The following LAMB3 variants were observed in gnomAD, a reference collection of about 807,000 sequenced individuals.
LAMB3 encodes the protein laminin subunit beta 3.
LAMB3 carries 104 observed loss-of-function variants against 140.3 expected under a neutral mutation model. The observed-to-expected ratio is 0.74, with a 90% confidence interval of 0.63 to 0.87. LAMB3 has a LOEUF of 0.87. Among genes scored for constraint, LAMB3 ranks in the 40% least tolerant of loss-of-function variants. LAMB3 has a pLI of 0.00. For missense variants in LAMB3, 1,531 were observed against 1,575.2 expected (o/e 0.97, Z 0.47); for synonymous variants, 592 against 602.9 (o/e 0.98, Z 0.26).
At chr1:209,618,760 G>T (rs1448825086) in intron 18 of LAMB3, 101 bp from the exon 19 acceptor site, 5 of 1,139,024 alleles carry the variant, frequency 4.4e-6, no homozygotes, top group Non-Finnish European at 6.4e-6. Flanking sequence ...ACCCACAGTG[G>T]CCCCTCTACC....
At chr1:209,642,775 C>G (rs2076481345) in intron 3 of LAMB3, among the ~76,000 whole-genome samples, 1 of 152,140 alleles carries the variant, frequency 6.6e-6, no homozygotes, top group Non-Finnish European at 1.5e-5. Flanking sequence ...CACTTGCACC[C>G]AGCTTGTTTA....
At chr1:209,633,858 G>A (rs79097405) in intron 6 of LAMB3, among the ~76,000 whole-genome samples, 3,078 of 152,238 alleles carry the variant, frequency 0.02, 94 homozygotes, top group African/African-American at 0.07. Flanking sequence ...ATGGGGAAAC[G>A]CAGTTATGAA....
At position 209,630,644 on chromosome 1, in the gene LAMB3, G is replaced by A. The variant is rs756331697; in HGVS notation, c.914C>T (p.Ala305Val). 34 of 1,613,988 alleles carry A rather than the reference G, an allele frequency of 2.1e-5. No individual in the cohort carries two copies. The highest frequency in any genetic ancestry group is 1.8e-4 in the Admixed American group (11 of 60,006). ...GCATTCATGGGCGTCCTGGCCCTCC[G>A]CCGGTCTCCAGGGCCGGTTGTTGTA... ...PFYNNRPWRP[A>V]EGQDAHECQR... The change falls in exon 9 of 23, where the codon GCG becomes GTG. Residue 305 changes from alanine to valine, a missense_variant. Physicochemically the swap from Ala to Val is moderately conservative, Grantham distance 64. Transcript: ENST00000356082.
intron 19 of LAMB3, 135 bp from the exon 20 acceptor site, chr1:209,618,183 G>C: frequency 8.6e-7 from 1 of 1,168,468 alleles, no homozygotes; most frequent in Non-Finnish European, 1.2e-6. Context: ...TATTAACTCA[G>C]TAGCTTTGAT....
intron 18 of LAMB3, among the ~76,000 whole-genome samples, chr1:209,621,466 T>C (rs1666190597): frequency 6.6e-6 from 1 of 152,192 alleles, no homozygotes; most frequent in Non-Finnish European, 1.5e-5. Context: ...AACACTGTAA[T>C]AGTAGCAAGA....
Position 209,652,396 on chromosome 1 carries a change from C to T in LAMB3, c.-65G>A, listed in dbSNP as rs575967730. 6.6e-6 allele frequency: 1 copy of T among 152,422 alleles called. No individual in the cohort carries two copies. The highest frequency in any genetic ancestry group is 2.1e-4 in the South Asian group (1 of 4,828). 9.4% of individuals were successfully genotyped at this position (152,422 alleles called of 1,614,324 possible). A position where few individuals can be genotyped will look rare whatever the true frequency, so the allele number is the denominator to read the frequency against. Reference sequence around the variant, plus strand: ...TGCTGTGTGTTCTGCCGTTCTTTCTCCAGATCGCCTGAAAGCTCCTCTTGA... The same window carrying T: ...TGCTGTGTGTTCTGCCGTTCTTTCTTCAGATCGCCTGAAAGCTCCTCTTGA... On this transcript the variant is annotated 5_prime_UTR_variant, in exon 1 of 23. Coordinates refer to ENST00000356082, the MANE Select transcript of LAMB3 (RefSeq NM_000228.3).
intron 1 of LAMB3, chr1:209,651,287 G>A: frequency 2.7e-6 from 1 of 370,330 alleles, no homozygotes; most frequent in South Asian, 2.6e-5. Flanking sequence ...ACAGCCGTAA[G>A]GACAACGTGG....
At chr1:209,637,449 T>C (rs540303244) in intron 5 of LAMB3, among the ~76,000 whole-genome samples, 1 of 152,222 alleles carries the variant, frequency 6.6e-6, no homozygotes, top group South Asian at 2.1e-4. Context: ...AATCTGAAAG[T>C]GCTTTGAGAA....
At position 209,623,224 on chromosome 1, in the gene LAMB3, A is replaced by G; in HGVS notation, c.2359-45T>C. On this transcript the variant is annotated intron_variant, in intron 16 of 22. Transcript: ENST00000356082. The surrounding 1 kb of genome is among the most constrained non-coding windows in gnomAD (Gnocchi z 4.2). ...TTAAAGAGGCTACCCAAAGCCCCTC[A>G]ATAACCAATCCCACCCCACACCTGG... The G allele has an allele frequency of 6.3e-7, 1 of 1,595,104 alleles. No individual in the cohort carries two copies. Among genetic ancestry groups the G allele is most frequent in the Non-Finnish European group, 8.6e-7 (1 of 1,164,312 alleles).
rs751321381 is a variant in LAMB3 at position 209,627,340 on chromosome 1, C to G, written c.1485+43G>C. On this transcript the variant is annotated intron_variant, in intron 12 of 22. Coordinates refer to ENST00000356082, the MANE Select transcript of LAMB3 (RefSeq NM_000228.3). ...AGCAGAGAGGCTGGTGCTCAGGACC[C>G]CCCTCCCACTGAGGGGGCCCCCGGA... 19 of 1,535,340 alleles carry G rather than the reference C, an allele frequency of 1.2e-5. No individual in the cohort carries two copies. The South Asian group carries it at 1.9e-4, about 16-fold the overall frequency.
chr1:209,632,712 G>T lies in LAMB3; in HGVS notation c.693C>A (p.Gly231=), dbSNP rs2102434698. 6.2e-7 allele frequency: 1 copy of T among 1,614,226 alleles called. No homozygotes were observed. The highest frequency in any genetic ancestry group is 8.5e-7 in the Non-Finnish European group (1 of 1,180,044). The change falls in exon 8 of 23, where the codon GGC becomes GGA. Residue 231 remains glycine (G), a synonymous_variant. Coordinates refer to ENST00000356082, the MANE Select transcript of LAMB3 (RefSeq NM_000228.3). ...CATAGTAGGCGCTGGGAGGGTGGTAGCCCCTTTGGGGCACAGGGGCCAGCC... is the reference window on the plus strand; with the variant it reads ...CATAGTAGGCGCTGGGAGGGTGGTATCCCCTTTGGGGCACAGGGGCCAGCC... ...FTRLAPVPQR[G]YHPPSAYYAV... is the part of the protein sequence containing the mutation.
At position 209,633,128 on chromosome 1, in the gene LAMB3, T is replaced by C; in HGVS notation, c.570A>G (p.Gln190=). 6.2e-7 allele frequency: 1 copy of C among 1,611,542 alleles called. No individual in the cohort carries two copies. The highest frequency in any genetic ancestry group is 1.1e-5 in the South Asian group (1 of 91,042). ...PNARLNGGKV[Q]LNLMDLVSGI... is the part of the protein sequence containing the mutation. ...CAGACACTAAATCCATAAGGTTAAG[T>C]TGGACCTACAGAGGGAAGGGAAAGA... Residue 190 remains glutamine (Q), a synonymous_variant, in exon 7 of 23, where the codon CAA becomes CAG. Transcript: ENST00000356082.
At chr1:209,626,474 G>A (rs4844861) in intron 13 of LAMB3, among the ~76,000 whole-genome samples, 111,145 of 152,116 alleles carry the variant, frequency 0.73, 40,656 homozygotes, top group East Asian at 0.83. Context: ...CTGTGCTCCT[G>A]TGGTGACATC....
At chr1:209,618,164 C>A (rs1326862782) in intron 19 of LAMB3, 116 bp from the exon 20 acceptor site, 8 of 1,330,310 alleles carry the variant, frequency 6.0e-6, no homozygotes, top group Non-Finnish European at 8.5e-6. Flanking sequence ...AGGCAAAGAG[C>A]AAGGAAAGTA....
chr1:209,630,461 G>A, intron 9 of LAMB3, 154 bp downstream of exon 9: 2 of 885,902 alleles, frequency 2.3e-6, no homozygotes, highest in South Asian at 3.2e-5. Context: ...CATCCTCACA[G>A]AGCCAGGAGA....
chr1:209,638,792 T>A, intron 3 of LAMB3, 144 bp from the exon 4 acceptor site: 1 of 687,538 alleles, frequency 1.5e-6, no homozygotes, highest in Non-Finnish European at 2.7e-6. Context: ...GAAGGGTTAA[T>A]CTCTTAAAAC....
intron 5 of LAMB3, 150 bp downstream of exon 5, chr1:209,637,757 AG>A (rs1445995590): frequency 1.0e-5 from 7 of 700,852 alleles, no homozygotes; most frequent in Non-Finnish European, 1.8e-5. Flanking sequence ...CTTTTAGCCC[AG>A]GAGCGAGTCC....
In LAMB3 at chr1:209,622,531, C is replaced by T. The variant is rs767542034; in HGVS notation, c.2701+5G>A. On this transcript the variant is annotated splice_donor_5th_base_variant and intron_variant, in intron 18 of 22. Transcript: ENST00000356082. Reference sequence around the variant, plus strand: ...CAGCCAAGGTGGGGTGGAGACTGGGCTCACCTGTTAGGAAGTCCCGGACCT... The same window carrying T: ...CAGCCAAGGTGGGGTGGAGACTGGGTTCACCTGTTAGGAAGTCCCGGACCT... The T allele has an allele frequency of 1.2e-6, 2 of 1,613,620 alleles. No individual in the cohort carries two copies. The highest frequency in any genetic ancestry group is 1.1e-5 in the South Asian group (1 of 91,042).
chr1:209,627,252 G>A, intron 12 of LAMB3, 131 bp downstream of exon 12: 1 of 779,306 alleles, frequency 1.3e-6, no homozygotes, highest in Non-Finnish European at 2.1e-6. Flanking sequence ...CCCCAAATGA[G>A]AACGGGGACA....
Sources: gnomAD v4.1 joint callset for allele counts (sites outside exome capture counted in the v4.1 genomes callset) on GRCh38, gnomAD v4.1.1 for gene constraint, Gnocchi (gnomAD v3.1) non-coding constraint, MANE v1.5 for transcripts, NCBI Gene and HGNC (gene_info 2026-07-23, HGNC 2026-07-21) for gene names.